Variants in GRAMD1B observed in about 807,000 individuals in gnomAD.
GRAMD1B encodes the protein protein Aster-B.
A neutral mutation model predicts 99.7 loss-of-function variants in GRAMD1B; 37 were observed. That is an observed-to-expected ratio of 0.37 (90% confidence interval 0.29 to 0.49). GRAMD1B has a LOEUF of 0.49. Ranked by LOEUF, GRAMD1B falls within the 20% of genes least tolerant of loss-of-function variation. The probability of loss-of-function intolerance (pLI) is 0.98; values close to 1 mark genes in which losing one functional copy is unlikely to be tolerated. For missense variants in GRAMD1B, 888 were observed against 1,009.2 expected (o/e 0.88, Z 1.63); for synonymous variants, 427 against 387.6 (o/e 1.10, Z -1.19).
At chr11:123,577,764 C>A (rs1015581351) in intron 3 of GRAMD1B, among the ~76,000 whole-genome samples, 187 bp downstream of exon 3, 3 of 151,794 alleles carry the variant, frequency 2.0e-5, no homozygotes, top group African/African-American at 7.3e-5. Flanking sequence ...ATATCTTCCC[C>A]GCTAAGCATT....
Position 123,603,354 on chromosome 11 carries a change from G to A in GRAMD1B, c.1051-72G>A, listed in dbSNP as rs549941116. ...TCCTCTTCTCCAGGGGAACCAGCCC[G>A]GCTCAGTGCCTCTGTGCAGAGTCGG... On this transcript the variant is annotated intron_variant, in intron 8 of 19. Coordinates refer to ENST00000635736, the MANE Select transcript of GRAMD1B (RefSeq NM_001387025.1). The A allele has an allele frequency of 1.5e-3, 1,355 of 911,252 alleles. 24 individuals are homozygous for A. The South Asian group carries it at 0.017, about 12-fold the overall frequency. The allele number at this position is 911,252 out of a possible 1,614,324, so 56.4% of individuals were successfully genotyped here.
Position 123,537,626 on chromosome 11 carries a change from C to T in GRAMD1B, c.453-39741C>T, listed in dbSNP as rs149911256. Among the ~76,000 whole-genome samples, 80 of 152,242 alleles carry T rather than the reference C, an allele frequency of 5.3e-4. 1 individual carries two copies. In the East Asian group the frequency reaches 0.013, roughly 25 times the overall value. On this transcript the variant is annotated intron_variant, in intron 2 of 19. Coordinates refer to ENST00000635736, the MANE Select transcript of GRAMD1B (RefSeq NM_001387025.1). ...ATGTTCAAATGGTTTCTGTTAACCC[C>T]CTGATTTCATTAGCCAAGAGTTTCT...
At chr11:123,565,202 CTTT>C (rs59084399) in intron 2 of GRAMD1B, among the ~76,000 whole-genome samples, 9 of 126,206 alleles carry the variant, frequency 7.1e-5, no homozygotes, top group Admixed American at 1.6e-4. Flanking sequence ...CTGGCTAATT[CTTT>C]TTTTTTTTTT....
chr11:123,457,138 A>T, intron 1 of GRAMD1B, among the ~76,000 whole-genome samples: 1 of 149,880 alleles, frequency 6.7e-6, no homozygotes, highest in Non-Finnish European at 1.5e-5. Context: ...AGAAAGAAAG[A>T]ATTAGAACAG....
intron 1 of GRAMD1B, among the ~76,000 whole-genome samples, chr11:123,454,144 A>G (rs1442432436): frequency 2.0e-5 from 3 of 152,208 alleles, no homozygotes; most frequent in African/African-American, 7.2e-5. Context: ...GCTTTGCATC[A>G]TCAGCTTCCT....
At chr11:123,563,502 TTTTC>T (rs1346983935) in intron 2 of GRAMD1B, among the ~76,000 whole-genome samples, 1 of 151,614 alleles carries the variant, frequency 6.6e-6, no homozygotes, top group Non-Finnish European at 1.5e-5. Flanking sequence ...ACAGAGGGTT[TTTTC>T]TTTTTTTTTT....
In GRAMD1B at chr11:123,588,427, C is replaced by G. The variant is rs59967984; in HGVS notation, c.684+4095C>G. ...TCTCCCAGGGCTTTATCTCACAGGGCGTATCCTGTCTCTATCTCACCCCTT... is the reference window on the plus strand; with the variant it reads ...TCTCCCAGGGCTTTATCTCACAGGGGGTATCCTGTCTCTATCTCACCCCTT... On this transcript the variant is annotated intron_variant, in intron 4 of 19. Transcript: ENST00000635736. 3.4e-3 allele frequency among the ~76,000 whole-genome samples: 512 copies of G among 152,276 alleles called. 1 individual carries two copies. The highest frequency in any genetic ancestry group is 0.01 in the African/African-American group (427 of 41,552).
At chr11:123,560,384 G>T in intron 2 of GRAMD1B, 1 of 1,176,212 alleles carries the variant, frequency 8.5e-7, no homozygotes, top group Non-Finnish European at 1.1e-6. Context: ...AGAGGGAGGT[G>T]GGGGAGAGGG....
chr11:123,425,997 G>A (rs1051141261), upstream of GRAMD1B, among the ~76,000 whole-genome samples: 4 of 152,122 alleles, frequency 2.6e-5, no homozygotes, highest in African/African-American at 9.7e-5. Context: ...CACCATCCTG[G>A]TAATTGATCC....
At chr11:123,578,204 T>G (rs1169975931) in intron 3 of GRAMD1B, among the ~76,000 whole-genome samples, 2 of 152,090 alleles carry the variant, frequency 1.3e-5, no homozygotes, top group Non-Finnish European at 2.9e-5. Flanking sequence ...CTCGGTCCTT[T>G]GGGGAGCAGG....
intron 8 of GRAMD1B, 104 bp downstream of exon 8, chr11:123,600,652 T>C: frequency 1.4e-6 from 1 of 697,298 alleles, no homozygotes; most frequent in Non-Finnish European, 2.5e-6. Flanking sequence ...ATTCTCCCAC[T>C]GATGGTATTG....
At chr11:123,401,951 C>T (rs7113002) in intron 1 of GRAMD1B, among the ~76,000 whole-genome samples, 3,761 of 152,116 alleles carry the variant, frequency 0.025, 94 homozygotes, top group African/African-American at 0.06. Context: ...TCAGTGTGTC[C>T]ATTGGTTGTT....
intron 1 of GRAMD1B, among the ~76,000 whole-genome samples, chr11:123,405,592 C>T (rs73605976): frequency 0.029 from 4,436 of 152,202 alleles, 77 homozygotes; most frequent in Middle Eastern, 0.051. Context: ...TTGGACTGGA[C>T]TCTTGCAAGT....
chr11:123,613,353 C>T, intron 15 of GRAMD1B, 102 bp from the exon 16 acceptor site: 1 of 884,574 alleles, frequency 1.1e-6, no homozygotes, highest in Non-Finnish European at 1.8e-6. Flanking sequence ...CCTCAACCCA[C>T]CCAACCAACT....
intron 1 of GRAMD1B, among the ~76,000 whole-genome samples, chr11:123,468,503 G>A (rs1174430117): frequency 6.6e-6 from 1 of 152,080 alleles, no homozygotes; most frequent in African/African-American, 2.4e-5. Flanking sequence ...TATGATAAAG[G>A]TTAGTGCAGG....
chr11:123,446,450 G>A (rs1429310848), intron 1 of GRAMD1B, among the ~76,000 whole-genome samples: 1 of 152,122 alleles, frequency 6.6e-6, no homozygotes, highest in Non-Finnish European at 1.5e-5. Context: ...AGAGGCATGA[G>A]CCACCACGCC....
chr11:123,526,502 A>T lies in GRAMD1B; in HGVS notation c.452+45609A>T, dbSNP rs574769477. Among the ~76,000 whole-genome samples, 28 of 152,272 alleles carry T rather than the reference A, an allele frequency of 1.8e-4. No homozygotes were observed. In the East Asian group the frequency reaches 5.4e-3, roughly 29 times the overall value. ...AGAGGGAACTTTATAATAAAGAAAC[A>T]TCCCTTCCCTTTGGCGAGGTGTTGT... On this transcript the variant is annotated intron_variant, in intron 2 of 19. Transcript: ENST00000635736.
Position 123,591,599 on chromosome 11 carries a change from C to A in GRAMD1B, c.685-2483C>A, listed in dbSNP as rs184456359. On this transcript the variant is annotated intron_variant, in intron 4 of 19. Transcript: ENST00000635736. The surrounding 1 kb of genome is among the most constrained non-coding windows in gnomAD (Gnocchi z 4.7). ...GTGGTAGTTCTGCACCCTTGTTATG[C>A]CACTTGGCTCTCCTACCCGAAGGCC... 1 of 398,242 alleles carries A rather than the reference C, an allele frequency of 2.5e-6. No individual in the cohort carries two copies. The highest frequency in any genetic ancestry group is 3.6e-5 in the East Asian group (1 of 28,060). 24.7% of individuals were successfully genotyped at this position (398,242 alleles called of 1,614,324 possible).
chr11:123,366,545 G>A (rs1163824678), intron 1 of GRAMD1B, among the ~76,000 whole-genome samples: 6 of 152,196 alleles, frequency 3.9e-5, no homozygotes, highest in Admixed American at 6.5e-5. Context: ...TTTGGGCTAC[G>A]TTGTATAACT....
Sources: allele counts gnomAD v4.1 joint callset (sites outside exome capture counted in the v4.1 genomes callset), GRCh38; gene constraint gnomAD v4.1.1; non-coding constraint Gnocchi (gnomAD v3.1); transcripts MANE v1.5; gene names NCBI Gene and HGNC (gene_info 2026-07-23, HGNC 2026-07-21).